Variants in RB1CC1 observed in about 807,000 individuals in gnomAD.
RB1CC1 encodes the protein RB1-inducible coiled-coil protein 1.
Under a neutral mutation model 177.5 loss-of-function variants are expected in RB1CC1, and 46 were observed. The observed-to-expected ratio is 0.26, with a 90% CI of 0.20 to 0.33. RB1CC1 has a LOEUF of 0.33. Ranked by LOEUF, RB1CC1 falls within the 10% of genes least tolerant of loss-of-function variation. RB1CC1 has a pLI of 1.00. For synonymous variants in RB1CC1, 666 were observed against 613.6 expected, an observed-to-expected ratio of 1.09 and a Z score of -1.26; for missense variants, 1,703 against 1,816.3, an observed-to-expected ratio of 0.94 and a Z score of 1.13.
chr8:52,625,906 T>C (rs971454166), intron 22 of RB1CC1, among the ~76,000 whole-genome samples: 10 of 152,180 alleles, frequency 6.6e-5, no homozygotes, highest in African/African-American at 2.4e-4. Flanking sequence ...GGCATACGGA[T>C]TTTTATTCCA....
intron 15 of RB1CC1, among the ~76,000 whole-genome samples, chr8:52,652,245 T>A (rs1242373269): frequency 6.6e-6 from 1 of 151,994 alleles, no homozygotes; most frequent in East Asian, 1.9e-4. Flanking sequence ...GGTGGGCAGA[T>A]CACAAGGTCA....
rs970004887 is a variant in RB1CC1, at chr8:52,658,094, T to C, written c.1824A>G (p.Leu608=). ...RVPLLCDFEP[L]HQHVLALHNL... Reference sequence around the variant, plus strand: ...TATGTAGAGCAAGTACATGCTGGTGTAGAGGTTCAAAGTCACAAAGTAAGG... The same window carrying C: ...TATGTAGAGCAAGTACATGCTGGTGCAGAGGTTCAAAGTCACAAAGTAAGG... Residue 608 remains leucine, a synonymous_variant, in exon 14 of 24, where the codon CTA becomes CTG. Coordinates refer to ENST00000025008, the MANE Select transcript of RB1CC1 (RefSeq NM_014781.5). 1.2e-6 allele frequency: 2 copies of C among 1,613,720 alleles called. No homozygotes were observed. The highest frequency in any genetic ancestry group is 1.7e-6 in the Non-Finnish European group (2 of 1,179,916).
chr8:52,690,344 T>C (rs1401005581), intron 1 of RB1CC1, among the ~76,000 whole-genome samples: 1 of 152,184 alleles, frequency 6.6e-6, no homozygotes, highest in Non-Finnish European at 1.5e-5. Flanking sequence ...CGTGTATTGA[T>C]ATTATGTGCC....
At chr8:52,662,730 C>G (rs1444585730) in intron 8 of RB1CC1, among the ~76,000 whole-genome samples, 5 of 152,028 alleles carry the variant, frequency 3.3e-5, no homozygotes, top group African/African-American at 9.7e-5. Context: ...ATGATATATA[C>G]TGAAGTCAAA....
Position 52,661,657 on chromosome 8 carries a change from T to C in RB1CC1, c.1236A>G (p.Leu412=). 1.2e-6 allele frequency: 2 copies of C among 1,612,440 alleles called. No homozygotes were observed. Among genetic ancestry groups the C allele is most frequent in the Non-Finnish European group, 8.5e-7 (1 of 1,179,356 alleles). Residue 412 remains leucine (L), a synonymous_variant, in exon 9 of 24, where the codon TTA becomes TTG. Coordinates refer to ENST00000025008, the MANE Select transcript of RB1CC1 (RefSeq NM_014781.5). ...NLKDASVLPD[L]CLSHANQLMI... ...TCAACTGATTTGCGTGACTCAGGCA[T>C]AAATCAGGTAATACAGATGCATCCT...
At chr8:52,666,529 A>AAAAG (rs1554541875) in intron 8 of RB1CC1, among the ~76,000 whole-genome samples, 21 of 149,698 alleles carry the variant, frequency 1.4e-4, no homozygotes, top group South Asian at 1.1e-3. Flanking sequence ...AAAAAAAAAA[A>AAAAG]AAAGAAAGAA....
At chr8:52,665,948 G>C (rs148863838) in intron 8 of RB1CC1, among the ~76,000 whole-genome samples, 1 of 152,142 alleles carries the variant, frequency 6.6e-6, no homozygotes, top group Non-Finnish European at 1.5e-5. Flanking sequence ...GTTTATTTGC[G>C]TTCAGATCCT....
chr8:52,713,848 G>C (rs1591176817), intron 1 of RB1CC1, among the ~76,000 whole-genome samples: 1 of 152,178 alleles, frequency 6.6e-6, no homozygotes, highest in Non-Finnish European at 1.5e-5. Context: ...GCATCGACTC[G>C]AACCGCTTTT....
intron 23 of RB1CC1, 66 bp downstream of exon 23, chr8:52,624,651 A>G: frequency 6.3e-6 from 8 of 1,260,402 alleles, no homozygotes; most frequent in East Asian, 2.4e-5. Context: ...AATGATTTCT[A>G]TATAAAGCAG....
intron 15 of RB1CC1, among the ~76,000 whole-genome samples, chr8:52,654,768 G>T (rs1018977066): frequency 3.3e-5 from 5 of 151,950 alleles, no homozygotes; most frequent in Non-Finnish European, 7.4e-5. Context: ...ACAAATTATC[G>T]TCCCCACCCT....
At position 52,684,033 on chromosome 8, in the gene RB1CC1, A is replaced by G; in HGVS notation, c.72-20T>C. 1 of 1,605,610 alleles carries G rather than the reference A, an allele frequency of 6.2e-7. No homozygotes were observed. The highest frequency in any genetic ancestry group is 8.5e-7 in the Non-Finnish European group (1 of 1,176,734). On this transcript the variant is annotated intron_variant, in intron 3 of 23. Transcript: ENST00000025008. Reference sequence around the variant, plus strand: ...GCCACACTTCAAAAAATGAAATAAAATAAATCAGTTGTTTATATTTGCCCA... The same window carrying G: ...GCCACACTTCAAAAAATGAAATAAAGTAAATCAGTTGTTTATATTTGCCCA...
intron 1 of RB1CC1, among the ~76,000 whole-genome samples, chr8:52,711,312 G>A (rs539528467): frequency 1.3e-5 from 2 of 152,172 alleles, no homozygotes; most frequent in African/African-American, 4.8e-5. Context: ...TAAACAATGG[G>A]GGTACAGTTT....
intron 5 of RB1CC1, among the ~76,000 whole-genome samples, chr8:52,680,834 C>G (rs1333067641): frequency 4.6e-5 from 7 of 152,072 alleles, no homozygotes; most frequent in African/African-American, 1.7e-4. Context: ...TATTTACATT[C>G]AAAAAGAGAC....
At chr8:52,649,231 C>A (rs17251910) in intron 15 of RB1CC1, among the ~76,000 whole-genome samples, 3,868 of 152,224 alleles carry the variant, frequency 0.025, 78 homozygotes, top group Non-Finnish European at 0.042. Context: ...CTTGCATAAT[C>A]CTGTCTTTGC....
At chr8:52,641,880 G>A (rs1467314452) in intron 18 of RB1CC1, among the ~76,000 whole-genome samples, 2 of 151,954 alleles carry the variant, frequency 1.3e-5, no homozygotes, top group African/African-American at 4.8e-5. Context: ...AAGGAGAACT[G>A]GTAAGAAAGT....
intron 16 of RB1CC1, among the ~76,000 whole-genome samples, chr8:52,643,787 C>T (rs111342732): frequency 1.7e-4 from 25 of 150,538 alleles, no homozygotes; most frequent in East Asian, 7.9e-4. Context: ...ATGATCTAAA[C>T]TGACTCTTCT....
intron 15 of RB1CC1, 34 bp downstream of exon 15, chr8:52,655,974 A>T: frequency 6.8e-7 from 1 of 1,465,910 alleles, no homozygotes; most frequent in Non-Finnish European, 9.3e-7. Context: ...CTGATATTTT[A>T]ATTTTATAAT....
intron 1 of RB1CC1, among the ~76,000 whole-genome samples, chr8:52,687,435 G>C (rs984341516): frequency 3.3e-5 from 5 of 152,144 alleles, no homozygotes; most frequent in African/African-American, 1.2e-4. Flanking sequence ...CCACCCTCAA[G>C]TGTAGGCAGG....
intron 15 of RB1CC1, among the ~76,000 whole-genome samples, chr8:52,652,849 G>A (rs1409584124): frequency 6.6e-6 from 1 of 152,074 alleles, no homozygotes; most frequent in Admixed American, 6.5e-5. Flanking sequence ...CCTGAGGTCA[G>A]GAGTTCGAGA....
Sources: gnomAD v4.1 joint callset for allele counts (sites outside exome capture counted in the v4.1 genomes callset) on GRCh38, gnomAD v4.1.1 for gene constraint, MANE v1.5 for transcripts, NCBI Gene and HGNC (gene_info 2026-07-23, HGNC 2026-07-21) for gene names.